Variants in PCDH15 observed in about 807,000 individuals in gnomAD.
The protein encoded by PCDH15 is protocadherin-15.
PCDH15 carries 129 observed loss-of-function variants against 178.5 expected under a neutral mutation model. That is an observed-to-expected ratio of 0.72 (90% CI 0.63 to 0.84). The LOEUF is 0.84. Among genes scored for constraint, PCDH15 ranks in the 40% least tolerant of loss-of-function variants. The pLI, the probability that PCDH15 is intolerant of heterozygous loss-of-function variation, is 0.00. For synonymous variants in PCDH15, 800 were observed against 732.0 expected (o/e 1.09, Z -1.50); for missense variants, 2,230 against 2,099.9 (o/e 1.06, Z -1.21).
chr10:55,530,946 T>C (rs539005529), intron 2 of PCDH15, among the ~76,000 whole-genome samples: 2 of 152,072 alleles, frequency 1.3e-5, no homozygotes, highest in African/African-American at 2.4e-5. Context: ...TGGTAACTTG[T>C]TTTAGGCTGA....
At chr10:54,343,815 A>T (rs2134121141) in intron 6 of PCDH15, among the ~76,000 whole-genome samples, 2 of 152,124 alleles carry the variant, frequency 1.3e-5, no homozygotes, top group Admixed American at 1.3e-4. Flanking sequence ...TAAAAAATAA[A>T]AATAAAAATA....
At chr10:55,334,829 C>A (rs1019739880) in intron 2 of PCDH15, among the ~76,000 whole-genome samples, 1 of 151,990 alleles carries the variant, frequency 6.6e-6, no homozygotes, top group African/African-American at 2.4e-5. Context: ...AAAATAATTA[C>A]CTCCTTGGTG....
At chr10:55,277,377 A>T (rs185886753) in intron 1 of PCDH15, among the ~76,000 whole-genome samples, 1 of 152,092 alleles carries the variant, frequency 6.6e-6, no homozygotes, top group Admixed American at 6.6e-5. Context: ...CTGTTGAAAA[A>T]GAGGAATGGT....
intron 1 of PCDH15, among the ~76,000 whole-genome samples, chr10:55,203,501 C>G (rs16907111): frequency 6.6e-6 from 1 of 151,824 alleles, no homozygotes; most frequent in African/African-American, 2.4e-5. Context: ...AGATGTGAGT[C>G]ATCAGAAGCC....
intron 2 of PCDH15, among the ~76,000 whole-genome samples, chr10:54,536,949 C>T (rs1473753320): frequency 6.7e-6 from 1 of 149,590 alleles, no homozygotes; most frequent in Admixed American, 6.7e-5. Context: ...AATAGTACTG[C>T]AATGAACATA....
chr10:53,955,066 G>A (rs1348584982), intron 23 of PCDH15, among the ~76,000 whole-genome samples: 1 of 152,160 alleles, frequency 6.6e-6, no homozygotes, highest in Non-Finnish European at 1.5e-5. Context: ...GCAAGGAACA[G>A]CATTCCTCTC....
At chr10:55,382,328 C>T (rs541532270) in intron 2 of PCDH15, among the ~76,000 whole-genome samples, 195 of 152,228 alleles carry the variant, frequency 1.3e-3, no homozygotes, top group African/African-American at 4.4e-3. Context: ...TGCTAATCAG[C>T]TAACTTTAAA....
intron 15 of PCDH15, among the ~76,000 whole-genome samples, chr10:54,097,610 A>C (rs1321769973): frequency 6.6e-6 from 1 of 152,214 alleles, no homozygotes; most frequent in Non-Finnish European, 1.5e-5. Context: ...TGGAACCTTC[A>C]TAAAAGCAGA....
rs540885577 is a variant in PCDH15, at chr10:55,132,327, G to A, written c.-80+34249C>T. 5.3e-5 allele frequency among the ~76,000 whole-genome samples: 8 copies of A among 152,312 alleles called. No homozygotes were observed. In the South Asian group the frequency reaches 8.3e-4, roughly 16 times the overall value. On this transcript the variant is annotated intron_variant, in intron 2 of 5. Coordinates refer to the PCDH15 transcript ENST00000458638. ...TTTACAAAAATTGGGGAAAAAGAGC[G>A]TTATATCCTTTGGTGGCTATAAACA... is the stretch of plus-strand genomic sequence containing the variant.
intron 2 of PCDH15, among the ~76,000 whole-genome samples, chr10:55,146,551 G>T (rs887392719): frequency 6.6e-6 from 1 of 151,830 alleles, no homozygotes; most frequent in Non-Finnish European, 1.5e-5. Context: ...CTGCTATAGC[G>T]TTCTGTAACA....
chr10:54,822,292 A>G (rs1309431736), intron 3 of PCDH15, among the ~76,000 whole-genome samples: 1 of 152,024 alleles, frequency 6.6e-6, no homozygotes, highest in African/African-American at 2.4e-5. Context: ...AAGCTTTTAT[A>G]GCTCTCCCTC....
At chr10:54,157,716 CT>C (rs2045305889) in intron 13 of PCDH15, among the ~76,000 whole-genome samples, 1 of 152,150 alleles carries the variant, frequency 6.6e-6, no homozygotes. Flanking sequence ...TGTTGTCAGG[CT>C]GCAAATTTTC....
chr10:54,837,901 G>A (rs149469642), intron 3 of PCDH15, among the ~76,000 whole-genome samples: 5 of 152,204 alleles, frequency 3.3e-5, no homozygotes, highest in East Asian at 1.9e-4. Context: ...TCATTGTGGA[G>A]GGCCAATGAA....
At position 54,222,882 on chromosome 10, in the gene PCDH15, C is replaced by T. The variant is rs571501054; in HGVS notation, c.986-8834G>A. Among the ~76,000 whole-genome samples, 64 of 152,310 alleles carry T rather than the reference C, an allele frequency of 4.2e-4. 1 individual carries two copies. In the South Asian group the frequency reaches 0.012, roughly 28 times the overall value. ...AACAAGTCACTTGTTGGATACATTT[C>T]GCAAATACATTCTCCTTTTCTGTCA... is the stretch of plus-strand genomic sequence containing the variant. On this transcript the variant is annotated intron_variant, in intron 9 of 37. Coordinates refer to ENST00000644397, the MANE Select transcript of PCDH15 (RefSeq NM_001384140.1).
chr10:54,711,165 T>C (rs1266085703), intron 1 of PCDH15, among the ~76,000 whole-genome samples: 1 of 152,024 alleles, frequency 6.6e-6, no homozygotes, highest in Non-Finnish European at 1.5e-5. Context: ...TTAATAGACC[T>C]GAACAAATAC....
intron 26 of PCDH15, among the ~76,000 whole-genome samples, chr10:53,901,802 A>G (rs1345929008): frequency 6.6e-6 from 1 of 152,114 alleles, no homozygotes; most frequent in Non-Finnish European, 1.5e-5. Flanking sequence ...TCCTTTATTC[A>G]GGTCACTGTT....
intron 18 of PCDH15, among the ~76,000 whole-genome samples, chr10:54,058,730 G>A (rs2093953666): frequency 6.9e-6 from 1 of 144,878 alleles, no homozygotes; most frequent in Admixed American, 7.0e-5. Context: ...TTTTGCTCTT[G>A]TTGCCCAGGC....
At chr10:55,180,938 G>A (rs1055068435) in intron 1 of PCDH15, among the ~76,000 whole-genome samples, 1 of 151,368 alleles carries the variant, frequency 6.6e-6, no homozygotes, top group East Asian at 1.9e-4. Flanking sequence ...GGAAAACTCA[G>A]AGAAAAAAAA....
chr10:54,136,862 T>C (rs1044151348), intron 14 of PCDH15, among the ~76,000 whole-genome samples: 2 of 152,178 alleles, frequency 1.3e-5, no homozygotes, highest in African/African-American at 4.8e-5. Flanking sequence ...AATTGCTAAT[T>C]GTGTTCCCCC....
Sources: allele counts gnomAD v4.1 joint callset (sites outside exome capture counted in the v4.1 genomes callset), GRCh38; gene constraint gnomAD v4.1.1; transcripts MANE v1.5; gene names NCBI Gene and HGNC (gene_info 2026-07-23, HGNC 2026-07-21).